Variants in POLN observed in about 807,000 individuals in gnomAD.
The protein encoded by POLN is DNA polymerase N.
POLN carries 108 observed loss-of-function variants against 113.5 expected under a neutral mutation model. The ratio of observed to expected loss-of-function variants is 0.95; its 90% CI spans 0.81 to 1.12. The LOEUF is 1.12. Among genes scored for constraint, POLN ranks in the 50% most tolerant of loss-of-function variants. The pLI, the probability that POLN is intolerant of heterozygous loss-of-function variation, is 0.00. For synonymous variants in POLN, 386 were observed against 391.5 expected, an observed-to-expected ratio of 0.99 and a Z score of 0.17; for missense variants, 1,097 against 1,077.1, an observed-to-expected ratio of 1.02 and a Z score of -0.26.
intron 13 of POLN, among the ~76,000 whole-genome samples, chr4:2,162,752 C>T (rs1035068756): frequency 5.3e-5 from 8 of 151,950 alleles, no homozygotes; most frequent in Admixed American, 3.3e-4. Flanking sequence ...CCACCATGCC[C>T]GGCCCGATTT....
intron 19 of POLN, among the ~76,000 whole-genome samples, chr4:2,098,867 G>A (rs1730857737): frequency 6.6e-6 from 1 of 152,178 alleles, no homozygotes. Context: ...ATATCTTTTA[G>A]TGCCAGAAAG....
intron 5 of POLN, among the ~76,000 whole-genome samples, chr4:2,206,456 CAG>C (rs917072186): frequency 6.6e-5 from 10 of 152,206 alleles, no homozygotes; most frequent in Non-Finnish European, 1.3e-4. Context: ...GCAGAGTAAA[CAG>C]ACAACCCACA....
At position 2,126,380 on chromosome 4, in the gene POLN, A is replaced by C. The variant is rs1731579325; in HGVS notation, c.1982+1733T>G. Among the ~76,000 whole-genome samples, 3 of 152,206 alleles carry C rather than the reference A, an allele frequency of 2.0e-5. No individual in the cohort carries two copies. The South Asian group carries it at 6.2e-4, about 32-fold the overall frequency. On this transcript the variant is annotated intron_variant, in intron 19 of 25. Coordinates refer to ENST00000511885, the MANE Select transcript of POLN (RefSeq NM_181808.4). The surrounding 1 kb of genome is among the most constrained non-coding windows in gnomAD (Gnocchi z 4.6). ...CTTTTTGGAGAGATTTTCTGATTCA[A>C]ACGCAAGTTTGCGTTCTATACTATT...
At chr4:2,164,344 A>G (rs1451652327) in intron 13 of POLN, among the ~76,000 whole-genome samples, 1 of 151,752 alleles carries the variant, frequency 6.6e-6, no homozygotes, top group African/African-American at 2.4e-5. Flanking sequence ...TCTACTAAAA[A>G]TACAAAATTA....
chr4:2,220,807 AGAG>A, intron 3 of POLN, among the ~76,000 whole-genome samples: 1 of 152,318 alleles, frequency 6.6e-6, no homozygotes, highest in East Asian at 1.9e-4. Flanking sequence ...AATGACCAGG[AGAG>A]GAGGAGGGGG....
intron 16 of POLN, chr4:2,156,450 A>G (rs1222111958): frequency 2.0e-6 from 1 of 490,068 alleles, no homozygotes; most frequent in Non-Finnish European, 4.0e-6. Context: ...TCATAGCATC[A>G]GATACTTCAA....
At chr4:2,203,107 G>A (rs113911403) in intron 5 of POLN, among the ~76,000 whole-genome samples, 50 of 152,246 alleles carry the variant, frequency 3.3e-4, no homozygotes, top group African/African-American at 1.2e-3. Context: ...GCCACAAAAT[G>A]AGCCTCAATA....
intron 5 of POLN, among the ~76,000 whole-genome samples, chr4:2,199,743 A>C (rs1733665520): frequency 6.7e-6 from 1 of 149,692 alleles, no homozygotes; most frequent in African/African-American, 2.5e-5. Context: ...CACCCAGCTA[A>C]TTTTTTTTGT....
rs1422952766 is a variant in POLN, at chr4:2,157,004, T to G, written c.1666-151A>C. On this transcript the variant is annotated intron_variant, in intron 15 of 25. Transcript: ENST00000511885. Reference sequence around the variant, plus strand: ...CTAAACTTCCAACCCTGAAATGTCCTTGGGGTTACAAAACTCCTGACACGT... The same window carrying G: ...CTAAACTTCCAACCCTGAAATGTCCGTGGGGTTACAAAACTCCTGACACGT... 4.5e-6 allele frequency: 3 copies of G among 663,028 alleles called. No homozygotes were observed. In the East Asian group the frequency reaches 8.1e-5, roughly 18 times the overall value. The allele number at this position is 663,028 out of a possible 1,614,324, so 41.1% of individuals were successfully genotyped here.
intron 19 of POLN, among the ~76,000 whole-genome samples, chr4:2,118,432 A>T (rs1731368360): frequency 1.3e-5 from 2 of 152,178 alleles, no homozygotes; most frequent in Non-Finnish European, 2.9e-5. Context: ...ACATAGGCCA[A>T]TTCTTTTCTG....
At chr4:2,137,171 C>G (rs2108729039) in intron 16 of POLN, among the ~76,000 whole-genome samples, 1 of 152,288 alleles carries the variant, frequency 6.6e-6, no homozygotes, top group East Asian at 1.9e-4. Context: ...TTCACAATAA[C>G]CTAGCAAAGA....
intron 13 of POLN, 122 bp from the exon 14 acceptor site, chr4:2,159,333 G>A (rs967980813): frequency 6.5e-5 from 53 of 818,652 alleles, no homozygotes; most frequent in South Asian, 1.5e-4. Context: ...CCAAAATAAA[G>A]ATGCATAATA....
intron 16 of POLN, among the ~76,000 whole-genome samples, chr4:2,137,075 G>A (rs551027112): frequency 3.3e-5 from 5 of 152,340 alleles, no homozygotes; most frequent in South Asian, 2.1e-4. Flanking sequence ...CGTTTTCACC[G>A]TGTCCCCAGC....
chr4:2,182,059 G>C (rs369727731), intron 7 of POLN, among the ~76,000 whole-genome samples: 2 of 151,800 alleles, frequency 1.3e-5, no homozygotes, highest in Non-Finnish European at 2.9e-5. Flanking sequence ...TCAATACAGC[G>C]TAGTATCGAC....
intron 16 of POLN, among the ~76,000 whole-genome samples, chr4:2,153,071 G>A (rs905086925): frequency 5.9e-5 from 9 of 152,200 alleles, no homozygotes; most frequent in Non-Finnish European, 7.3e-5. Context: ...GAGGGCAACT[G>A]TACAACACAC....
chr4:2,240,990 G>A (rs375675704), intron 2 of POLN: 6 of 1,408,524 alleles, frequency 4.3e-6, no homozygotes, highest in Non-Finnish European at 5.8e-6. Context: ...ATGGGTTTAC[G>A]GTGTTGATTT....
intron 16 of POLN, among the ~76,000 whole-genome samples, chr4:2,151,888 C>T (rs796805579): frequency 1.5e-4 from 23 of 152,168 alleles, no homozygotes; most frequent in African/African-American, 4.6e-4. Flanking sequence ...GTAGCAATGA[C>T]TCTTTTTTCC....
intron 7 of POLN, among the ~76,000 whole-genome samples, chr4:2,180,070 T>C (rs1401539088): frequency 1.3e-5 from 2 of 152,338 alleles, no homozygotes; most frequent in East Asian, 3.9e-4. Context: ...GTGTGGCGCT[T>C]TGGTACTGTG....
chr4:2,081,612 C>T, intron 22 of POLN, 21 bp downstream of exon 22: 1 of 1,611,786 alleles, frequency 6.2e-7, no homozygotes, highest in Non-Finnish European at 8.5e-7. Context: ...CACAGAACTA[C>T]AGGTAAGAGG....
Sources: allele counts gnomAD v4.1 joint callset (sites outside exome capture counted in the v4.1 genomes callset), GRCh38; gene constraint gnomAD v4.1.1; non-coding constraint Gnocchi (gnomAD v3.1); transcripts MANE v1.5; gene names NCBI Gene and HGNC (gene_info 2026-07-23, HGNC 2026-07-21).